Variants in ANTXR2 observed in about 807,000 individuals in gnomAD.
ANTXR2 encodes the protein anthrax toxin receptor 2.
Under a neutral mutation model 73.7 loss-of-function variants are expected in ANTXR2, and 44 were observed. The observed-to-expected ratio is 0.60, with a 90% confidence interval of 0.47 to 0.77. The LOEUF is 0.77. ANTXR2 is among the 30% of genes least tolerant of loss of function. The pLI is 0.00. For missense variants in ANTXR2, 604 were observed against 592.5 expected (o/e 1.02, Z -0.20); for synonymous variants, 217 against 205.9 (o/e 1.05, Z -0.46).
intron 12 of ANTXR2, among the ~76,000 whole-genome samples, chr4:79,988,741 G>T (rs1046050302): frequency 5.9e-5 from 9 of 151,936 alleles, no homozygotes; most frequent in African/African-American, 2.2e-4. Context: ...CCACATGCTT[G>T]GCCATGAAGC....
chr4:79,996,474 A>G (rs1457146874), intron 12 of ANTXR2, among the ~76,000 whole-genome samples: 2 of 152,020 alleles, frequency 1.3e-5, no homozygotes, highest in African/African-American at 2.4e-5. Flanking sequence ...ACATTTAGCT[A>G]ATATGCCCAA....
chr4:79,994,801 T>C (rs1038359957), intron 12 of ANTXR2, among the ~76,000 whole-genome samples: 1 of 151,932 alleles, frequency 6.6e-6, no homozygotes, highest in Non-Finnish European at 1.5e-5. Flanking sequence ...TCACCGGAGG[T>C]CCTTTATCTA....
chr4:79,972,948 C>T (rs896127333), intron 16 of ANTXR2, among the ~76,000 whole-genome samples: 29 of 123,768 alleles, frequency 2.3e-4, no homozygotes, highest in African/African-American at 1.1e-3. Flanking sequence ...AAGAATAGGG[C>T]GTCCGAAGGC....
chr4:79,950,383 A>C (rs1209855206), intron 16 of ANTXR2, among the ~76,000 whole-genome samples: 1 of 152,174 alleles, frequency 6.6e-6, no homozygotes, highest in Non-Finnish European at 1.5e-5. Flanking sequence ...AGGAAGAAAA[A>C]AGGCCACATC....
chr4:80,011,090 T>G (rs1202163038), intron 11 of ANTXR2, among the ~76,000 whole-genome samples: 1 of 151,828 alleles, frequency 6.6e-6, no homozygotes, highest in African/African-American at 2.4e-5. Context: ...GAGGTTGCAG[T>G]GAGCCAAGAT....
At chr4:79,998,546 G>C (rs116305795) in intron 12 of ANTXR2, among the ~76,000 whole-genome samples, 4 of 152,032 alleles carry the variant, frequency 2.6e-5, no homozygotes, top group Non-Finnish European at 5.9e-5. Context: ...AAACAAATTT[G>C]CTCTTAACTC....
At chr4:79,925,775 A>G (rs1308154082) in intron 16 of ANTXR2, among the ~76,000 whole-genome samples, 1 of 152,154 alleles carries the variant, frequency 6.6e-6, no homozygotes. Context: ...CAGTGTAACA[A>G]TGTTCATCTA....
At chr4:80,017,482 G>A (rs772011573) in intron 11 of ANTXR2, among the ~76,000 whole-genome samples, 10 of 151,874 alleles carry the variant, frequency 6.6e-5, no homozygotes, top group African/African-American at 9.7e-5. Flanking sequence ...AAACCATCTT[G>A]AGTCATATTA....
At chr4:80,031,892 T>C (rs1239752479) in intron 9 of ANTXR2, among the ~76,000 whole-genome samples, 200 bp from the exon 10 acceptor site, 2 of 151,788 alleles carry the variant, frequency 1.3e-5, no homozygotes, top group Admixed American at 6.6e-5. Context: ...ATAGTGTTGG[T>C]AAATCATAAG....
intron 16 of ANTXR2, among the ~76,000 whole-genome samples, chr4:79,910,980 T>G (rs1727109718): frequency 8.7e-6 from 1 of 114,856 alleles, no homozygotes; most frequent in African/African-American, 3.1e-5. Flanking sequence ...ACCAGAAAAT[T>G]CTAAAAACAA....
At chr4:80,003,232 TA>T (rs1731138212) in intron 12 of ANTXR2, among the ~76,000 whole-genome samples, 1 of 151,770 alleles carries the variant, frequency 6.6e-6, no homozygotes, top group African/African-American at 2.4e-5. Context: ...TATGCAGCCA[TA>T]AAAAATGATG....
At chr4:80,068,924 T>C (rs868054394) in intron 3 of ANTXR2, among the ~76,000 whole-genome samples, 22 of 152,222 alleles carry the variant, frequency 1.4e-4, no homozygotes, top group South Asian at 8.3e-4. Context: ...AATAGATAGG[T>C]AGATAGATAT....
At chr4:80,071,516 A>C (rs983165768) in intron 2 of ANTXR2, 67 bp downstream of exon 2, 36 of 1,390,410 alleles carry the variant, frequency 2.6e-5, no homozygotes, top group Non-Finnish European at 3.6e-5. Context: ...AAAAGGTTTC[A>C]GAAAAGGGAA....
intron 3 of ANTXR2, among the ~76,000 whole-genome samples, chr4:80,063,921 A>G (rs1039771938): frequency 6.6e-6 from 1 of 152,154 alleles, no homozygotes; most frequent in Non-Finnish European, 1.5e-5. Context: ...CTAGTATTTC[A>G]GTAGGACATA....
chr4:79,927,127 C>T (rs968955012), intron 16 of ANTXR2, among the ~76,000 whole-genome samples: 11 of 150,914 alleles, frequency 7.3e-5, no homozygotes, highest in African/African-American at 1.9e-4. Flanking sequence ...TTTACGACAA[C>T]AGATGAATCT....
At chr4:79,937,944 CGAGT>C (rs1728345221) in intron 16 of ANTXR2, among the ~76,000 whole-genome samples, 2 of 131,974 alleles carry the variant, frequency 1.5e-5, no homozygotes, top group African/African-American at 5.7e-5. Flanking sequence ...GTTCCCTTTC[CGAGT>C]CAAAGAAAGG....
At chr4:80,032,391 T>A (rs1732736936) in intron 9 of ANTXR2, among the ~76,000 whole-genome samples, 1 of 151,810 alleles carries the variant, frequency 6.6e-6, no homozygotes, top group African/African-American at 2.4e-5. Context: ...TAGATACAAA[T>A]GACTACTGAA....
At chr4:80,022,974 G>A (rs1732239185) in intron 10 of ANTXR2, among the ~76,000 whole-genome samples, 1 of 152,018 alleles carries the variant, frequency 6.6e-6, no homozygotes. Context: ...CACAATACCT[G>A]GGACACAACA....
intron 10 of ANTXR2, among the ~76,000 whole-genome samples, chr4:80,026,265 A>T (rs1732434948): frequency 6.6e-6 from 1 of 151,876 alleles, no homozygotes; most frequent in Non-Finnish European, 1.5e-5. Context: ...AAAAGTGGCC[A>T]TTTTTCCTGG....
Sources: allele counts gnomAD v4.1 joint callset (sites outside exome capture counted in the v4.1 genomes callset), GRCh38; gene constraint gnomAD v4.1.1; transcripts MANE v1.5; gene names NCBI Gene and HGNC (gene_info 2026-07-23, HGNC 2026-07-21).